The following NXF1 variants were observed in gnomAD, a reference collection of about 807,000 sequenced individuals.
NXF1 encodes nuclear RNA export factor 1, also known as mRNA export factor TAP.
In NXF1, 43 loss-of-function variants were observed where a neutral mutation model predicts 92.4. That is an observed-to-expected ratio of 0.47 (90% CI 0.36 to 0.60). NXF1 has a LOEUF of 0.60. Ranked by LOEUF, NXF1 falls within the 20% of genes least tolerant of loss-of-function variation. The pLI, the probability that NXF1 is intolerant of heterozygous loss-of-function variation, is 0.00. For missense variants in NXF1, 576 were observed against 793.0 expected (o/e 0.73, Z 3.29); for synonymous variants, 288 against 292.2 (o/e 0.99, Z 0.15).
intron 10 of NXF1, chr11:62,800,085 T>C (rs2084462050): frequency 8.0e-7 from 1 of 1,248,982 alleles, no homozygotes; most frequent in African/African-American, 1.5e-5. Flanking sequence ...GGGAGATGCC[T>C]TTCCTGGAAC....
intron 6 of NXF1, 47 bp from the exon 7 acceptor site, chr11:62,801,678 G>A: frequency 6.2e-7 from 1 of 1,605,058 alleles, no homozygotes; most frequent in Non-Finnish European, 8.5e-7. Context: ...TGTGTGTGGG[G>A]GGTGGGGGTG....
At chr11:62,796,207 G>A in intron 15 of NXF1, 26 bp from the exon 16 acceptor site, 1 of 1,612,726 alleles carries the variant, frequency 6.2e-7, no homozygotes, top group African/African-American at 1.3e-5. Flanking sequence ...AAAGCTCAGT[G>A]GTGCTGCCAC....
Position 62,802,236 on chromosome 11 carries a change from T to G in NXF1, c.394A>C (p.Lys132Gln). ...ITIPYGRKYDKAWLLSMIQSK... is the reference protein window; with the variant it reads ...ITIPYGRKYDQAWLLSMIQSK... Reference sequence around the variant, plus strand: ...TGAATCATGCTCAGGAGCCATGCCTTGTCATACTTTCTGCCATAAGGAATC... The same window carrying G: ...TGAATCATGCTCAGGAGCCATGCCTGGTCATACTTTCTGCCATAAGGAATC... The change falls in exon 4 of 21, where the codon AAG (lysine) becomes CAG (glutamine). Residue 132 changes from lysine (K) to glutamine (Q), a missense_variant. Lys to Gln is a moderately conservative substitution (Grantham distance 53). Around this residue, in one of 2 missense-constraint regions of NXF1, gnomAD observed 425 missense variants for 635.2 expected, o/e 0.67. Transcript: ENST00000294172. The G allele has an allele frequency of 1.2e-6, 2 of 1,614,148 alleles. No individual in the cohort carries two copies. Among genetic ancestry groups the G allele is most frequent in the Non-Finnish European group, 1.7e-6 (2 of 1,179,984 alleles).
chr11:62,795,960 A>G lies in NXF1; in HGVS notation c.1462-17T>C, dbSNP rs1369061763. The G allele has an allele frequency of 1.9e-6, 3 of 1,613,952 alleles. No individual in the cohort carries two copies. The highest frequency in any genetic ancestry group is 2.5e-6 in the Non-Finnish European group (3 of 1,179,990). On this transcript the variant is annotated splice_polypyrimidine_tract_variant and intron_variant, in intron 16 of 20. Transcript: ENST00000294172. ...CAATGTGCTCTGAAAGAGAAGCAGC[A>G]TCAGGTACAATGTACACTTCTCAGA...
chr11:62,794,270 TC>T lies in NXF1; in HGVS notation c.1747del (p.Glu583SerfsTer36). On this transcript the variant is annotated frameshift_variant, in exon 19 of 21. Transcript: ENST00000294172. LOFTEE classifies it high-confidence loss of function. ...AFSTQSGMNL[E>X]WSQKCLQDNN... ...GCCCCGCACTCACTTCTGGGACCACTCGAGGTTCATGCCAGACTGGGTAGAG... is the reference window on the plus strand; with the variant it reads ...GCCCCGCACTCACTTCTGGGACCACTGAGGTTCATGCCAGACTGGGTAGAG... 6.2e-7 allele frequency: 1 copy of T among 1,613,632 alleles called. No homozygotes were observed. The highest frequency in any genetic ancestry group is 2.2e-5 in the East Asian group (1 of 44,878).
intron 10 of NXF1, chr11:62,799,453 G>C (rs1443120595): frequency 1.0e-6 from 1 of 985,676 alleles, no homozygotes; most frequent in Admixed American, 6.1e-5. Flanking sequence ...GCCCCTGTAG[G>C]ATTGTGGGGG....
At chr11:62,793,780 G>A (rs570751528) in intron 19 of NXF1, among the ~76,000 whole-genome samples, 3 of 140,852 alleles carry the variant, frequency 2.1e-5, no homozygotes, top group East Asian at 4.2e-4. Context: ...TCAGGAGTTC[G>A]AGACCAGCCT....
chr11:62,805,194 G>A (rs1254605959), intron 1 of NXF1, 135 bp downstream of exon 1: 5 of 738,596 alleles, frequency 6.8e-6, no homozygotes, highest in African/African-American at 5.6e-5. Context: ...CACCTCGAGT[G>A]CCCGGCCCCC....
intron 10 of NXF1, 34 bp downstream of exon 10, chr11:62,800,343 G>T (rs375439808): frequency 1.4e-5 from 22 of 1,613,652 alleles, no homozygotes; most frequent in African/African-American, 2.7e-5. Context: ...GGGGGTGAAG[G>T]TCCCCAGGAG....
intron 3 of NXF1, among the ~76,000 whole-genome samples, chr11:62,802,540 G>A (rs975524452): frequency 6.6e-6 from 1 of 152,110 alleles, no homozygotes; most frequent in Admixed American, 6.6e-5. Flanking sequence ...AGGCTCAAGC[G>A]ATCCTCCTGT....
chr11:62,792,865 C>T (rs1184468790), intron 19 of NXF1, 164 bp from the exon 20 acceptor site: 1 of 620,038 alleles, frequency 1.6e-6, no homozygotes, highest in Non-Finnish European at 2.9e-6. Context: ...AGATGTTCTA[C>T]CAATGGCTTC....
In NXF1 at chr11:62,803,467, C is replaced by T. The variant is rs1434480078; in HGVS notation, c.321G>A (p.Gly107=). The T allele has an allele frequency of 1.9e-6, 3 of 1,613,972 alleles. No individual in the cohort carries two copies. Among genetic ancestry groups the T allele is most frequent in the East Asian group, 2.2e-5 (1 of 44,878 alleles). ...AGGTCCCATCCTGGCTGGTGCCAGC[C>T]CCTCCTCTCTCTGGAGGAGCTCTGT... is the stretch of plus-strand genomic sequence containing the variant. ...RRDRAPPERG[G]AGTSQDGTSK... is the part of the protein sequence containing the mutation. Residue 107 remains glycine, a synonymous_variant, in exon 3 of 21, where the codon GGG becomes GGA. Transcript: ENST00000294172.
At chr11:62,802,339 T>A in intron 3 of NXF1, 79 bp from the exon 4 acceptor site, 1 of 1,188,814 alleles carries the variant, frequency 8.4e-7, no homozygotes. Flanking sequence ...CTTTTATACC[T>A]TCTACCAAAC....
At position 62,805,418 on chromosome 11, in the gene NXF1, T is replaced by C. The variant is rs372883109; in HGVS notation, c.-62A>G. 85 of 1,604,054 alleles carry C rather than the reference T, an allele frequency of 5.3e-5. 1 individual carries two copies. The highest frequency in any genetic ancestry group is 2.2e-4 in the South Asian group (20 of 89,234). On this transcript the variant is annotated 5_prime_UTR_variant, in exon 1 of 21. Coordinates refer to ENST00000294172, the MANE Select transcript of NXF1 (RefSeq NM_006362.5). The stretch of plus-strand genomic sequence containing the variant: ...CCGCTACGCCGGCAAACAACCTAAC[T>C]CCCAAGCGCTCAGGACCGAAGTGTC...
intron 20 of NXF1, 55 bp downstream of exon 20, chr11:62,792,586 C>T: frequency 6.2e-7 from 1 of 1,613,786 alleles, no homozygotes; most frequent in Non-Finnish European, 8.5e-7. Flanking sequence ...GCTAACCTGA[C>T]CTCCTGGAGG....
At chr11:62,795,576 A>G (rs560376189) in intron 17 of NXF1, among the ~76,000 whole-genome samples, 5 of 152,312 alleles carry the variant, frequency 3.3e-5, no homozygotes, top group South Asian at 4.1e-4. Context: ...TAGCACCACT[A>G]TGAGACGGCT....
rs147145490 is a variant in NXF1 at position 62,795,003 on chromosome 11, G to A, written c.1509C>T (p.Asp503=). ...CTCGCAAAGAATCCCGGGACTTTCCGTCCACTGCAATAAGAACAGCAACAA... is the reference window on the plus strand; with the variant it reads ...CTCGCAAAGAATCCCGGGACTTTCCATCCACTGCAATAAGAACAGCAACAA... The part of the protein sequence containing the change: ...FSVNGVFKEV[D]GKSRDSLRAF... Residue 503 remains aspartate, a synonymous_variant, in exon 18 of 21, where the codon GAC becomes GAT. Coordinates refer to ENST00000294172, the MANE Select transcript of NXF1 (RefSeq NM_006362.5). The A allele has an allele frequency of 9.0e-5, 145 of 1,613,936 alleles. No individual in the cohort carries two copies. The African/African-American group carries it at 1.3e-3, about 14-fold the overall frequency.
Position 62,794,628 on chromosome 11 carries a change from T to C in NXF1, c.1578-188A>G, listed in dbSNP as rs1168203229. On this transcript the variant is annotated intron_variant, in intron 18 of 20. Transcript: ENST00000294172. ...GGATTATCTACTAAACACACTAGGG[T>C]TCTCCCAACGCATGGACTTTAGCTC... 7 of 605,436 alleles carry C rather than the reference T, an allele frequency of 1.2e-5. No individual in the cohort carries two copies. The East Asian group carries it at 1.9e-4, about 17-fold the overall frequency. The allele number at this position is 605,436 out of a possible 1,614,324, so 37.5% of individuals were successfully genotyped here. A position where few individuals can be genotyped will look rare whatever the true frequency, so the allele number is the denominator to read the frequency against.
intron 2 of NXF1, 103 bp from the exon 3 acceptor site, chr11:62,803,675 T>C (rs1165405027): frequency 1.9e-6 from 3 of 1,545,346 alleles, no homozygotes; most frequent in Non-Finnish European, 2.7e-6. Flanking sequence ...GTTTAATCAC[T>C]AAGCTAGTCC....
Sources: gnomAD v4.1 joint callset for allele counts (sites outside exome capture counted in the v4.1 genomes callset) on GRCh38, gnomAD v4.1.1 for gene constraint, gnomAD v4.1.1 regional missense constraint, MANE v1.5 for transcripts, NCBI Gene and HGNC (gene_info 2026-07-23, HGNC 2026-07-21) for gene names.